DYSF: variants seen among roughly 807,000 people sequenced by gnomAD.
DYSF encodes the protein dystrophy-associated fer-1-like 1.
A neutral mutation model predicts 274.9 loss-of-function variants in DYSF; 212 were observed. That is an observed-to-expected ratio of 0.77 (90% CI 0.69 to 0.86). The LOEUF is 0.86. DYSF is among the 40% of genes least tolerant of loss of function. DYSF has a pLI of 0.00. For synonymous variants in DYSF, 1,091 were observed against 1,078.7 expected, an observed-to-expected ratio of 1.01 and a Z score of -0.22; for missense variants, 2,666 against 2,783.2, an observed-to-expected ratio of 0.96 and a Z score of 0.95.
intron 45 of DYSF, among the ~76,000 whole-genome samples, chr2:71,660,973 C>T (rs1239083956): frequency 6.6e-6 from 1 of 151,830 alleles, no homozygotes; most frequent in Non-Finnish European, 1.5e-5. Flanking sequence ...AAAACTTAGC[C>T]AGGCATGGTA....
intron 29 of DYSF, among the ~76,000 whole-genome samples, 188 bp from the exon 30 acceptor site, chr2:71,574,010 G>A (rs1574094924): frequency 6.6e-6 from 1 of 152,072 alleles, no homozygotes; most frequent in Non-Finnish European, 1.5e-5. Flanking sequence ...TTTCTGACCT[G>A]GGGTTCCTGT....
intron 40 of DYSF, 54 bp downstream of exon 40, chr2:71,613,464 A>G (rs1341163580): frequency 9.1e-6 from 13 of 1,421,232 alleles, no homozygotes; most frequent in Non-Finnish European, 2.0e-6. Context: ...TCCATTCCTC[A>G]TCAATTCCCA....
chr2:71,566,746 A>G (rs968993140), intron 24 of DYSF, among the ~76,000 whole-genome samples: 1 of 152,214 alleles, frequency 6.6e-6, no homozygotes, highest in Admixed American at 6.5e-5. Flanking sequence ...CGAAGCGAAC[A>G]GCCATGGAGA....
chr2:71,514,045 G>A, intron 7 of DYSF, 124 bp downstream of exon 7: 2 of 1,144,862 alleles, frequency 1.7e-6, no homozygotes, highest in Non-Finnish European at 1.3e-6. Flanking sequence ...GCCCTCCTGT[G>A]GGGGAATCTG....
intron 3 of DYSF, among the ~76,000 whole-genome samples, chr2:71,497,813 T>C (rs1371122722): frequency 6.6e-6 from 1 of 152,252 alleles, no homozygotes; most frequent in Non-Finnish European, 1.5e-5. Context: ...CCAGAGCTTA[T>C]ATACCTTCTA....
At chr2:71,459,400 CA>C (rs1411981007) in intron 1 of DYSF, among the ~76,000 whole-genome samples, 4 of 152,146 alleles carry the variant, frequency 2.6e-5, no homozygotes, top group African/African-American at 9.7e-5. Flanking sequence ...TAAGTAGTGA[CA>C]GGGGTCACAA....
At position 71,598,708 on chromosome 2, in the gene DYSF, C is replaced by T. The variant is rs1385670493; in HGVS notation, c.3719C>T (p.Pro1240Leu). 2 of 1,613,696 alleles carry T rather than the reference C, an allele frequency of 1.2e-6. No individual in the cohort carries two copies. Among genetic ancestry groups the T allele is most frequent in the Middle Eastern group, 1.6e-4 (1 of 6,062 alleles). Residue 1240 changes from proline (P) to leucine (L), a missense_variant, in exon 33 of 56, where the codon CCC (proline) becomes CTC (leucine). Pro to Leu is a moderately conservative substitution (Grantham distance 98). Coordinates refer to ENST00000410020, the MANE Select transcript of DYSF (RefSeq NM_001130987.2). ...CCGGCCACAGTTGCTGAGCAACCGCCCAGCATTGTGGTGGAGCTGTACGAC... is the reference window on the plus strand; with the variant it reads ...CCGGCCACAGTTGCTGAGCAACCGCTCAGCATTGTGGTGGAGCTGTACGAC... ...GEPATVAEQPPSIVVELYDHD... is the reference protein window; with the variant it reads ...GEPATVAEQPLSIVVELYDHD...
intron 29 of DYSF, among the ~76,000 whole-genome samples, chr2:71,573,129 C>T (rs1253697897): frequency 6.6e-6 from 1 of 152,208 alleles, no homozygotes; most frequent in African/African-American, 2.4e-5. Flanking sequence ...CCAGGAGTAG[C>T]CTGTGGCATG....
At chr2:71,575,400 C>T (rs2092668896) in intron 30 of DYSF, among the ~76,000 whole-genome samples, 1 of 152,120 alleles carries the variant, frequency 6.6e-6, no homozygotes, top group Non-Finnish European at 1.5e-5. Context: ...CGGAGAGAGC[C>T]CCTCCCTTGC....
In DYSF at chr2:71,631,709, T is replaced by C. The variant is rs145814328; in HGVS notation, c.4527+11100T>C. Among the ~76,000 whole-genome samples, 86 of 152,260 alleles carry C rather than the reference T, an allele frequency of 5.6e-4. No homozygotes were observed. In the East Asian group the frequency reaches 0.015, roughly 26 times the overall value. On this transcript the variant is annotated intron_variant, in intron 41 of 55. Transcript: ENST00000410020. Reference sequence around the variant, plus strand: ...GCTGGTTGGGAAGCAGAGCACATACTTCACGGTCTCTCCTGTTACGGGGGC... The same window carrying C: ...GCTGGTTGGGAAGCAGAGCACATACCTCACGGTCTCTCCTGTTACGGGGGC...
At chr2:71,583,721 G>A (rs758921181) in intron 30 of DYSF, among the ~76,000 whole-genome samples, 1 of 152,214 alleles carries the variant, frequency 6.6e-6, no homozygotes, top group Non-Finnish European at 1.5e-5. Context: ...TCTCAGACAT[G>A]CTGGTGGGCT....
intron 4 of DYSF, among the ~76,000 whole-genome samples, chr2:71,509,932 C>A (rs74737713): frequency 1.3e-5 from 2 of 152,056 alleles, no homozygotes; most frequent in East Asian, 3.9e-4. Flanking sequence ...CATGCCACCA[C>A]GCCTGGCTAA....
At chr2:71,590,132 A>T in intron 31 of DYSF, 79 bp from the exon 32 acceptor site, 1 of 1,425,918 alleles carries the variant, frequency 7.0e-7, no homozygotes, top group Non-Finnish European at 9.9e-7. Context: ...CTAGGGACAG[A>T]CTCCACCTCC....
intron 30 of DYSF, among the ~76,000 whole-genome samples, chr2:71,586,018 T>G: frequency 2.1e-5 from 3 of 145,004 alleles, no homozygotes; most frequent in South Asian, 2.2e-4. Context: ...AGGTAGGGGG[T>G]GTAGGGGTTT....
At chr2:71,475,350 C>T (rs1345520628) in intron 1 of DYSF, among the ~76,000 whole-genome samples, 1 of 152,158 alleles carries the variant, frequency 6.6e-6, no homozygotes, top group Non-Finnish European at 1.5e-5. Flanking sequence ...CTGGCCACCT[C>T]GCTATAGACT....
intron 1 of DYSF, among the ~76,000 whole-genome samples, 167 bp downstream of exon 1, chr2:71,467,100 T>A (rs2081588509): frequency 6.6e-6 from 1 of 152,086 alleles, no homozygotes; most frequent in Admixed American, 6.5e-5. Context: ...AGGGGGGCGA[T>A]GAGGAATAAG....
chr2:71,662,200 A>T (rs905076981), intron 45 of DYSF, among the ~76,000 whole-genome samples: 6 of 152,214 alleles, frequency 3.9e-5, no homozygotes, highest in Non-Finnish European at 7.3e-5. Flanking sequence ...GACGAACACA[A>T]CGCATGAGGT....
chr2:71,619,160 A>T (rs1251852526), intron 40 of DYSF, among the ~76,000 whole-genome samples: 1 of 152,108 alleles, frequency 6.6e-6, no homozygotes, highest in African/African-American at 2.4e-5. Flanking sequence ...CATTAAAAAT[A>T]ACAGTAAGGC....
intron 33 of DYSF, among the ~76,000 whole-genome samples, chr2:71,600,119 C>A (rs933259742): frequency 4.6e-5 from 7 of 152,090 alleles, no homozygotes; most frequent in African/African-American, 1.7e-4. Flanking sequence ...CTGCCAGAGC[C>A]CTGAGGGGGC....
Sources: allele counts gnomAD v4.1 joint callset (sites outside exome capture counted in the v4.1 genomes callset), GRCh38; gene constraint gnomAD v4.1.1; transcripts MANE v1.5; gene names NCBI Gene and HGNC (gene_info 2026-07-23, HGNC 2026-07-21).